Variants in IARS1 observed in about 807,000 individuals in gnomAD.
IARS1 encodes the protein isoleucine--tRNA ligase, cytoplasmic.
A neutral mutation model predicts 168.2 loss-of-function variants in IARS1; 124 were observed. The observed-to-expected ratio is 0.74, with a 90% CI of 0.64 to 0.86. IARS1 has a LOEUF of 0.86. IARS1 is among the 40% of genes least tolerant of loss of function. The probability of loss-of-function intolerance (pLI) is 0.00; values close to 1 mark genes in which losing one functional copy is unlikely to be tolerated. For synonymous variants in IARS1, 532 were observed against 529.4 expected, an observed-to-expected ratio of 1.00 and a Z score of -0.07; for missense variants, 1,452 against 1,515.8, an observed-to-expected ratio of 0.96 and a Z score of 0.70.
At chr9:92,282,576 G>C (rs973695815) in intron 6 of IARS1, among the ~76,000 whole-genome samples, 2 of 151,986 alleles carry the variant, frequency 1.3e-5, no homozygotes, top group African/African-American at 2.4e-5. Flanking sequence ...TTTGAGACCA[G>C]CTGGGGCAAT....
intron 33 of IARS1, among the ~76,000 whole-genome samples, chr9:92,215,120 C>A (rs886082702): frequency 2.6e-5 from 4 of 152,192 alleles, no homozygotes; most frequent in Non-Finnish European, 2.9e-5. Flanking sequence ...GACCCCTGAC[C>A]CCCGAGCAGC....
At chr9:92,220,035 T>C (rs1244123208) in intron 33 of IARS1, among the ~76,000 whole-genome samples, 8 of 145,476 alleles carry the variant, frequency 5.5e-5, no homozygotes, top group East Asian at 2.0e-4. Context: ...CCAACAATGA[T>C]AGACTGGATT....
intron 6 of IARS1, among the ~76,000 whole-genome samples, chr9:92,282,960 TTC>T (rs990201744): frequency 4.0e-5 from 6 of 151,612 alleles, no homozygotes; most frequent in African/African-American, 1.5e-4. Flanking sequence ...GCTCATGTCA[TTC>T]TCTTACTTCA....
chr9:92,278,838 T>C (rs1434918281), intron 7 of IARS1, among the ~76,000 whole-genome samples: 1 of 152,208 alleles, frequency 6.6e-6, no homozygotes, highest in Admixed American at 6.5e-5. Flanking sequence ...TAAAGAGCTC[T>C]ATGGGACGCT....
intron 10 of IARS1, among the ~76,000 whole-genome samples, 174 bp from the exon 11 acceptor site, chr9:92,271,829 G>A (rs1242692473): frequency 2.0e-5 from 3 of 152,184 alleles, no homozygotes; most frequent in Admixed American, 2.0e-4. Flanking sequence ...CTCACAGTTG[G>A]ACAGGGGTTA....
chr9:92,222,508 C>T lies in IARS1; in HGVS notation c.3706+12G>A, dbSNP rs1839819363. ...ACAAAAATAAAAAACTTACGGTCCACAATCTCCTTACCCTGCGTTTGGGTC... is the reference window on the plus strand; with the variant it reads ...ACAAAAATAAAAAACTTACGGTCCATAATCTCCTTACCCTGCGTTTGGGTC... On this transcript the variant is annotated intron_variant, in intron 33 of 33. Transcript: ENST00000443024. 1 of 1,608,890 alleles carries T rather than the reference C, an allele frequency of 6.2e-7. No homozygotes were observed. The highest frequency in any genetic ancestry group is 1.3e-5 in the African/African-American group (1 of 74,540).
intron 21 of IARS1, among the ~76,000 whole-genome samples, chr9:92,253,035 A>C (rs559879077): frequency 6.6e-6 from 1 of 152,078 alleles, no homozygotes; most frequent in Non-Finnish European, 1.5e-5. Flanking sequence ...ATCTACCAGT[A>C]TTTTTATAAA....
At position 92,242,206 on chromosome 9, in the gene IARS1, T is replaced by A. The variant is rs145404152; in HGVS notation, c.3125A>T (p.Lys1042Ile). 14 of 1,614,054 alleles carry A rather than the reference T, an allele frequency of 8.7e-6. No homozygotes were observed. In the African/African-American group the frequency reaches 1.9e-4, roughly 22 times the overall value. ...ATCCGATGGAGAAACTGGATATGGT[T>A]TCAAGGGAGCCTTTATGGTGGTAAA... ...FIFTTIKAPL[K>I]PYPVSPSDKV... Residue 1042 changes from lysine to isoleucine, a missense_variant, in exon 29 of 34, where the codon AAA (lysine) becomes ATA (isoleucine). Transcript: ENST00000443024.
intron 33 of IARS1, among the ~76,000 whole-genome samples, chr9:92,220,714 C>T (rs1839540264): frequency 6.6e-6 from 1 of 152,120 alleles, no homozygotes; most frequent in Non-Finnish European, 1.5e-5. Context: ...GCTTGTAATC[C>T]CAATGCTTTG....
At chr9:92,250,861 C>G (rs1431095107) in intron 22 of IARS1, 27 bp from the exon 23 acceptor site, 1 of 1,569,304 alleles carries the variant, frequency 6.4e-7, no homozygotes, top group Non-Finnish European at 8.6e-7. Flanking sequence ...GACATCATGT[C>G]AGTTATATGC....
At chr9:92,270,902 A>G in intron 12 of IARS1, 83 bp downstream of exon 12, 1 of 895,812 alleles carries the variant, frequency 1.1e-6, no homozygotes. Context: ...TGAACACCAC[A>G]AATAAGATGG....
At chr9:92,268,721 C>T (rs1215507139) in intron 13 of IARS1, among the ~76,000 whole-genome samples, 3 of 152,244 alleles carry the variant, frequency 2.0e-5, no homozygotes, top group Non-Finnish European at 4.4e-5. Context: ...CTATAGTCAC[C>T]TCTCTGGTCA....
At chr9:92,219,002 C>T (rs529720363) in intron 33 of IARS1, among the ~76,000 whole-genome samples, 33 of 152,262 alleles carry the variant, frequency 2.2e-4, no homozygotes, top group African/African-American at 7.2e-4. Flanking sequence ...GGAGGCATCA[C>T]ACTACCTGAC....
At chr9:92,291,916 T>A (rs1436262213) in intron 1 of IARS1, among the ~76,000 whole-genome samples, 2 of 152,158 alleles carry the variant, frequency 1.3e-5, no homozygotes, top group Admixed American at 6.5e-5. Context: ...AGTCTGAACA[T>A]CACCACTCTT....
intron 32 of IARS1, 86 bp from the exon 33 acceptor site, chr9:92,222,758 A>C: frequency 7.0e-7 from 1 of 1,430,402 alleles, no homozygotes; most frequent in Non-Finnish European, 9.6e-7. Flanking sequence ...CAGCTCTAAC[A>C]GGCAGTGCTG....
intron 30 of IARS1, 75 bp downstream of exon 30, chr9:92,240,781 G>GT: frequency 2.4e-6 from 2 of 834,034 alleles, no homozygotes; most frequent in Non-Finnish European, 4.2e-6. Flanking sequence ...ACATCCATAA[G>GT]TTTTTTTGGT....
chr9:92,236,520 G>GT (rs1827557216), intron 30 of IARS1, among the ~76,000 whole-genome samples: 1 of 152,150 alleles, frequency 6.6e-6, no homozygotes, highest in South Asian at 2.1e-4. Context: ...TTGATATTGT[G>GT]TGAGTTGTAG....
chr9:92,289,520 T>C, intron 1 of IARS1, 94 bp from the exon 2 acceptor site: 1 of 683,956 alleles, frequency 1.5e-6, no homozygotes, highest in South Asian at 1.6e-5. Context: ...ACACTATCCA[T>C]ACTTTTAAAA....
intron 30 of IARS1, among the ~76,000 whole-genome samples, chr9:92,230,314 T>C (rs903529267): frequency 2.6e-5 from 4 of 152,118 alleles, no homozygotes; most frequent in Non-Finnish European, 5.9e-5. Flanking sequence ...GGTTTCACCA[T>C]GTTGGCCAGG....
Sources: allele counts gnomAD v4.1 joint callset (sites outside exome capture counted in the v4.1 genomes callset), GRCh38; gene constraint gnomAD v4.1.1; transcripts MANE v1.5; gene names NCBI Gene and HGNC (gene_info 2026-07-23, HGNC 2026-07-21).